The following CDH12 variants were observed in gnomAD, a reference collection of about 807,000 sequenced individuals.
CDH12 encodes the protein cadherin 12, also known as cadherin-12.
A neutral mutation model predicts 74.1 loss-of-function variants in CDH12; 41 were observed. The observed-to-expected ratio is 0.55, with a 90% CI of 0.43 to 0.72. The LOEUF (loss-of-function observed/expected upper bound fraction) is 0.72. Ranked by LOEUF, CDH12 falls within the 30% of genes least tolerant of loss-of-function variation. The pLI, the probability that CDH12 is intolerant of heterozygous loss-of-function variation, is 0.00. For synonymous variants in CDH12, 399 were observed against 355.0 expected, an observed-to-expected ratio of 1.12 and a Z score of -1.39; for missense variants, 945 against 977.2, an observed-to-expected ratio of 0.97 and a Z score of 0.44.
chr5:22,206,679 C>CAAAAA lies in CDH12; in HGVS notation c.-187+5814_-187+5818dup, dbSNP rs71609754. ...GGATGAAAAATAATGGATTCCACTG[C>CAAAAA]AAAAAAAAAAAAAAAAAAAAAAAGA... is the stretch of plus-strand genomic sequence containing the variant. On this transcript the variant is annotated intron_variant, in intron 4 of 14. Coordinates refer to ENST00000382254, the MANE Select transcript of CDH12 (RefSeq NM_004061.5). 4.0e-3 allele frequency among the ~76,000 whole-genome samples: 220 copies of CAAAAA among 55,024 alleles called. 2 individuals carry two copies. The highest frequency in any genetic ancestry group is 5.6e-3 in the African/African-American group (75 of 13,506). The allele number at this position is 55,024 out of a possible 152,430, so 36.1% of individuals were successfully genotyped here. A position where few individuals can be genotyped will look rare whatever the true frequency, so the allele number is the denominator to read the frequency against.
chr5:22,366,971 T>C (rs544649748), intron 3 of CDH12, among the ~76,000 whole-genome samples: 1 of 152,348 alleles, frequency 6.6e-6, no homozygotes, highest in South Asian at 2.1e-4. Flanking sequence ...AAGTCCATTA[T>C]ATAAGATTGT....
At chr5:22,233,777 C>G (rs910705683) in intron 3 of CDH12, among the ~76,000 whole-genome samples, 5 of 152,122 alleles carry the variant, frequency 3.3e-5, no homozygotes, top group African/African-American at 1.2e-4. Flanking sequence ...AATTCCAAGA[C>G]AACACACAGA....
intron 1 of CDH12, among the ~76,000 whole-genome samples, chr5:22,699,545 G>A (rs186358692): frequency 7.2e-5 from 11 of 152,260 alleles, no homozygotes; most frequent in Admixed American, 6.5e-4. Context: ...TGTAAGCAGT[G>A]CCTTATGGAA....
chr5:22,056,681 T>A (rs1740764619), intron 5 of CDH12, among the ~76,000 whole-genome samples: 1 of 152,168 alleles, frequency 6.6e-6, no homozygotes, highest in South Asian at 2.1e-4. Context: ...ATTTCTAAAC[T>A]GGGCAAAAAA....
intron 3 of CDH12, among the ~76,000 whole-genome samples, chr5:22,279,986 C>G (rs1223123757): frequency 3.3e-5 from 5 of 152,116 alleles, no homozygotes. Context: ...AGTTTACAGT[C>G]CCACCAACAG....
intron 3 of CDH12, among the ~76,000 whole-genome samples, chr5:22,258,650 C>A (rs1459186707): frequency 6.6e-6 from 1 of 151,754 alleles, no homozygotes; most frequent in African/African-American, 2.4e-5. Context: ...TGATAGGTGT[C>A]CCTTACAGGT....
intron 3 of CDH12, among the ~76,000 whole-genome samples, chr5:22,366,355 C>T (rs73058132): frequency 0.02 from 2,980 of 151,866 alleles, 37 homozygotes; most frequent in Middle Eastern, 0.027. Flanking sequence ...CTATATATTG[C>T]TTTATATATA....
chr5:21,822,215 C>A (rs1228085059), intron 8 of CDH12, among the ~76,000 whole-genome samples: 7 of 33,112 alleles, frequency 2.1e-4, no homozygotes, highest in East Asian at 2.1e-3. Context: ...TACTAGTTAA[C>A]TTTTATAATA....
intron 3 of CDH12, among the ~76,000 whole-genome samples, chr5:22,233,784 C>T (rs1039403128): frequency 6.6e-6 from 1 of 152,146 alleles, no homozygotes; most frequent in Non-Finnish European, 1.5e-5. Flanking sequence ...AGACAACACA[C>T]AGAAATGTGA....
chr5:22,077,389 T>C (rs2150224186), intron 5 of CDH12, among the ~76,000 whole-genome samples: 1 of 152,292 alleles, frequency 6.6e-6, no homozygotes, highest in South Asian at 2.1e-4. Flanking sequence ...ATTGGAATCA[T>C]ACAACCTATT....
chr5:21,939,003 T>C (rs1053560336), intron 6 of CDH12, among the ~76,000 whole-genome samples: 2 of 150,918 alleles, frequency 1.3e-5, no homozygotes, highest in Non-Finnish European at 3.0e-5. Context: ...ACTGAAACAG[T>C]ATTTATAATA....
chr5:22,559,720 C>A (rs532858262), intron 1 of CDH12, among the ~76,000 whole-genome samples: 31 of 152,070 alleles, frequency 2.0e-4, no homozygotes, highest in African/African-American at 6.7e-4. Context: ...TAATCACACA[C>A]AAAAAAATCT....
intron 1 of CDH12, among the ~76,000 whole-genome samples, chr5:22,700,647 C>T (rs1459925030): frequency 6.6e-6 from 1 of 152,122 alleles, no homozygotes; most frequent in Admixed American, 6.5e-5. Flanking sequence ...GGAAGAATTG[C>T]TACACTGGTT....
At chr5:22,058,981 T>C (rs899888210) in intron 5 of CDH12, among the ~76,000 whole-genome samples, 8 of 152,286 alleles carry the variant, frequency 5.3e-5, no homozygotes, top group East Asian at 1.9e-4. Context: ...TTATTCCTAG[T>C]TCCCATGTGC....
intron 3 of CDH12, among the ~76,000 whole-genome samples, chr5:22,234,496 G>A (rs1453565716): frequency 1.3e-5 from 2 of 151,888 alleles, no homozygotes; most frequent in Non-Finnish European, 2.9e-5. Flanking sequence ...CTATGATTCT[G>A]AGGCCTCCCC....
intron 6 of CDH12, among the ~76,000 whole-genome samples, chr5:21,880,620 T>TTCC (rs1561268475): frequency 3.8e-3 from 84 of 22,054 alleles, no homozygotes; most frequent in East Asian, 8.3e-3. Flanking sequence ...TCCTTCCTTC[T>TTCC]TTCTTTCTTT....
intron 6 of CDH12, among the ~76,000 whole-genome samples, chr5:21,958,484 A>AG (rs1481639901): frequency 6.6e-6 from 1 of 152,144 alleles, no homozygotes; most frequent in Admixed American, 6.5e-5. Context: ...TGTGTAAGGA[A>AG]GGGGTCCAGT....
intron 3 of CDH12, among the ~76,000 whole-genome samples, chr5:22,330,184 A>C (rs1470191556): frequency 2.0e-5 from 3 of 152,136 alleles, no homozygotes; most frequent in South Asian, 2.1e-4. Flanking sequence ...AGGATAGGGC[A>C]CCAGGCAGAG....
intron 4 of CDH12, among the ~76,000 whole-genome samples, chr5:22,120,616 A>G (rs569110971): frequency 6.6e-6 from 1 of 152,272 alleles, no homozygotes; most frequent in South Asian, 2.1e-4. Flanking sequence ...ATATTTATGC[A>G]AAAAGAACAA....
Sources: gnomAD v4.1 joint callset for allele counts (sites outside exome capture counted in the v4.1 genomes callset) on GRCh38, gnomAD v4.1.1 for gene constraint, MANE v1.5 for transcripts, NCBI Gene and HGNC (gene_info 2026-07-23, HGNC 2026-07-21) for gene names.